RGS14: variants seen among roughly 807,000 people sequenced by gnomAD.
RGS14 encodes the protein regulator of G-protein signaling 14.
A neutral mutation model predicts 63.8 loss-of-function variants in RGS14; 33 were observed. The ratio of observed to expected loss-of-function variants is 0.52; its 90% confidence interval spans 0.39 to 0.69. RGS14 has a LOEUF of 0.69. Among genes scored for constraint, RGS14 ranks in the 30% least tolerant of loss-of-function variants. The pLI is 0.00. For missense variants in RGS14, 739 were observed against 742.9 expected (o/e 0.99, Z 0.06); for synonymous variants, 296 against 320.9 (o/e 0.92, Z 0.83).
In RGS14 at chr5:177,358,501, C is replaced by T. The variant is rs1754567269; in HGVS notation, c.45+432C>T. On this transcript the variant is annotated intron_variant, in intron 1 of 14. Transcript: ENST00000408923. This position sits in a 1 kb window ranked among gnomAD's most constrained non-coding sequence, Gnocchi z 4.8. Reference sequence around the variant, plus strand: ...AAGGTCATGTTAGTGGCAGCTCTTGCTGGGTCGGTGTCCTCCAGCCGGAGC... The same window carrying T: ...AAGGTCATGTTAGTGGCAGCTCTTGTTGGGTCGGTGTCCTCCAGCCGGAGC... Among the ~76,000 whole-genome samples, 1 of 152,204 alleles carries T rather than the reference C, an allele frequency of 6.6e-6. No individual in the cohort carries two copies. Among genetic ancestry groups the T allele is most frequent in the South Asian group, 2.1e-4 (1 of 4,836 alleles).
At chr5:177,365,144 C>A (rs1461577255) in intron 1 of RGS14, among the ~76,000 whole-genome samples, 1 of 152,170 alleles carries the variant, frequency 6.6e-6, no homozygotes. Flanking sequence ...GTTTATACAG[C>A]CCATATCACA....
rs749188803 is a variant in RGS14, at chr5:177,357,974, A to G, written c.-51A>G. On this transcript the variant is annotated 5_prime_UTR_variant, in exon 1 of 15. Transcript: ENST00000408923. ...GCAAGCTCTGGCCGGCGCTGCCCAC[A>G]GTCCCCATGGTGGGCAGCCCCCGCG... 7.6e-7 allele frequency: 1 copy of G among 1,318,558 alleles called. No individual in the cohort carries two copies. The highest frequency in any genetic ancestry group is 1.5e-5 in the African/African-American group (1 of 65,230). The allele number at this position is 1,318,558 out of a possible 1,614,324, so 81.7% of individuals were successfully genotyped here.
At chr5:177,365,411 C>A (rs1762065600) in intron 1 of RGS14, among the ~76,000 whole-genome samples, 1 of 151,896 alleles carries the variant, frequency 6.6e-6, no homozygotes, top group Admixed American at 6.6e-5. Flanking sequence ...CCATGTTGGC[C>A]AGGCTGGTCT....
intron 1 of RGS14, among the ~76,000 whole-genome samples, chr5:177,363,754 G>A (rs1363638751): frequency 2.0e-5 from 3 of 152,138 alleles, no homozygotes; most frequent in Non-Finnish European, 4.4e-5. Context: ...GGCACAGAGA[G>A]GTTAAGTACC....
rs1036322931 is a variant in RGS14, at chr5:177,358,107, G to T, written c.45+38G>T. 5.3e-6 allele frequency: 7 copies of T among 1,322,576 alleles called. No homozygotes were observed. Among genetic ancestry groups the T allele is most frequent in the African/African-American group, 1.5e-5 (1 of 65,622 alleles). The allele number at this position is 1,322,576 out of a possible 1,614,324, so 81.9% of individuals were successfully genotyped here. A position where few individuals can be genotyped will look rare whatever the true frequency, so the allele number is the denominator to read the frequency against. ...TCCGGGCCAGGGCCACGAGGAGGGG[G>T]TGGGCACACCCAGGGTGGAGCCCAG... On this transcript the variant is annotated intron_variant, in intron 1 of 14. Transcript: ENST00000408923. This position sits in a 1 kb window ranked among gnomAD's most constrained non-coding sequence, Gnocchi z 4.8.
chr5:177,363,222 C>G (rs1027934095), intron 1 of RGS14, among the ~76,000 whole-genome samples: 4 of 152,088 alleles, frequency 2.6e-5, no homozygotes, highest in Admixed American at 1.3e-4. Context: ...TGGGGACTTT[C>G]TCCTGTCGCC....
Position 177,371,052 on chromosome 5 carries a change from G to C in RGS14, c.1254+21G>C, listed in dbSNP as rs747744878. Reference sequence around the variant, plus strand: ...ACCGGGTGAGCTTCCGGGCCGCGGGGCGGGGCGGGGCGGGGCCGGGCCGGG... The same window carrying C: ...ACCGGGTGAGCTTCCGGGCCGCGGGCCGGGGCGGGGCGGGGCCGGGCCGGG... On this transcript the variant is annotated intron_variant, in intron 11 of 14. Transcript: ENST00000408923. This position sits in a 1 kb window ranked among gnomAD's most constrained non-coding sequence, Gnocchi z 6.1. 13 of 1,162,548 alleles carry C rather than the reference G, an allele frequency of 1.1e-5. No individual in the cohort carries two copies. The highest frequency in any genetic ancestry group is 1.4e-5 in the Non-Finnish European group (13 of 947,988). 72.0% of individuals were successfully genotyped at this position (1,162,548 alleles called of 1,614,324 possible).
In RGS14 at chr5:177,367,800, C is replaced by A. The variant is rs368630423; in HGVS notation, c.714C>A (p.Arg238=). ...CACCCGTTGAGGGTCCTGGGGGCCGCCCTCTCCGCAAGTCCTTCCGCCGGG... is the reference window on the plus strand; with the variant it reads ...CACCCGTTGAGGGTCCTGGGGGCCGACCTCTCCGCAAGTCCTTCCGCCGGG... ...QLPPVEGPGG[R]PLRKSFRREL... The change falls in exon 7 of 15, where the codon CGC becomes CGA. Residue 238 remains arginine (R), a synonymous_variant. Coordinates refer to ENST00000408923, the MANE Select transcript of RGS14 (RefSeq NM_006480.5). 6.2e-7 allele frequency: 1 copy of A among 1,605,312 alleles called. No individual in the cohort carries two copies. The highest frequency in any genetic ancestry group is 1.3e-5 in the African/African-American group (1 of 74,742).
intron 8 of RGS14, 30 bp downstream of exon 8, chr5:177,368,296 C>A: frequency 3.1e-6 from 5 of 1,592,114 alleles, no homozygotes; most frequent in Non-Finnish European, 4.3e-6. Flanking sequence ...AGACAAGATG[C>A]TCTATGGGCT....
rs1306139646 is a variant in RGS14 at position 177,370,968 on chromosome 5, G to A, written c.1191G>A (p.Gln397=). The stretch of plus-strand genomic sequence containing the variant: ...CAGCCAAGCCCACCAAGCGGCTGCA[G>A]GAGGCGCTGCAGCCCATTCTGGAGA... The part of the protein sequence containing the change: ...RISAKPTKRL[Q]EALQPILEKH... Residue 397 remains glutamine (Q), a synonymous_variant, in exon 11 of 15, where the codon CAG becomes CAA. Transcript: ENST00000408923. 1 of 1,607,960 alleles carries A rather than the reference G, an allele frequency of 6.2e-7. No homozygotes were observed. The highest frequency in any genetic ancestry group is 8.5e-7 in the Non-Finnish European group (1 of 1,179,638).
In RGS14 at chr5:177,370,489, C is replaced by A. The variant is rs187910706; in HGVS notation, c.1054-102C>A. 2.2e-5 allele frequency: 22 copies of A among 1,005,636 alleles called. No homozygotes were observed. The African/African-American group carries it at 3.5e-4, about 16-fold the overall frequency. 62.3% of individuals were successfully genotyped at this position (1,005,636 alleles called of 1,614,324 possible). On this transcript the variant is annotated intron_variant, in intron 9 of 14. Coordinates refer to ENST00000408923, the MANE Select transcript of RGS14 (RefSeq NM_006480.5). The stretch of plus-strand genomic sequence containing the variant: ...ACCCTCCATCCCTTCCTCTAGGAAG[C>A]CCAGTGGTGGCCATGGGAGGGCGTG...
At position 177,367,520 on chromosome 5, in the gene RGS14, G is replaced by T; in HGVS notation, c.590G>T (p.Gly197Val). Residue 197 changes from glycine to valine, a missense_variant, in exon 6 of 15, where the codon GGC (glycine) becomes GTC (valine). Transcript: ENST00000408923. ...EAEGRPLREP[G>V]SSRLGSPDAT... ...GAGGGACGCCCTCTGCGGGAACCTG[G>T]CTCCTCGCGCCTCGGCAGCCCTGAC... The T allele has an allele frequency of 6.2e-7, 1 of 1,611,944 alleles. No homozygotes were observed. Among genetic ancestry groups the T allele is most frequent in the Non-Finnish European group, 8.5e-7 (1 of 1,179,172 alleles).
At chr5:177,367,064 A>G (rs1265861673) in intron 5 of RGS14, 30 bp downstream of exon 5, 8 of 1,583,944 alleles carry the variant, frequency 5.1e-6, no homozygotes, top group Non-Finnish European at 6.0e-6. Context: ...TTGGCCTTGA[A>G]AGGGAGACAA....
At chr5:177,368,621 A>T (rs1220098867) in intron 8 of RGS14, 96 bp from the exon 9 acceptor site, 1 of 1,271,008 alleles carries the variant, frequency 7.9e-7, no homozygotes, top group African/African-American at 1.5e-5. Context: ...GTGCGTGTGC[A>T]TGCTTGAGCC....
intron 3 of RGS14, 31 bp downstream of exon 3, chr5:177,366,386 G>A: frequency 2.0e-6 from 3 of 1,514,190 alleles, no homozygotes; most frequent in Non-Finnish European, 2.7e-6. Context: ...GGGAAGGGGG[G>A]ACACGGGAGA....
rs762720072 is a variant in RGS14, at chr5:177,368,915, G to A, written c.1048G>A (p.Glu350Lys). ...CATCAAGGTCTACCTGGTGGGCAAT[G>A]AACAGGTGGGAACGTGACCTGGCTC... is the stretch of plus-strand genomic sequence containing the variant. ...PDIKVYLVGN[E>K]QALVLDQDCT... The change falls in exon 9 of 15, where the codon GAA becomes AAA. Residue 350 changes from glutamate (E) to lysine (K), a missense_variant. Physicochemically the swap from Glu to Lys is moderately conservative, Grantham distance 56 (BLOSUM62 1). Coordinates refer to ENST00000408923, the MANE Select transcript of RGS14 (RefSeq NM_006480.5). 6.8e-6 allele frequency: 11 copies of A among 1,613,972 alleles called. No homozygotes were observed. In the East Asian group the frequency reaches 2.5e-4, roughly 36 times the overall value.
Position 177,359,668 on chromosome 5 carries a change from CT to C in RGS14, c.45+1601del, listed in dbSNP as rs1285117060. ...TGTCACACACAGGTTTATCTTTGCC[CT>C]TCCTGGGCCTGTTCCAAACTCTCTG... On this transcript the variant is annotated intron_variant, in intron 1 of 14. Transcript: ENST00000408923. This position sits in a 1 kb window ranked among gnomAD's most constrained non-coding sequence, Gnocchi z 4.4. 6.6e-6 allele frequency among the ~76,000 whole-genome samples: 1 copy of C among 152,266 alleles called. No homozygotes were observed. Among genetic ancestry groups the C allele is most frequent in the South Asian group, 2.1e-4 (1 of 4,834 alleles).
rs1458880183 is a variant in RGS14 at position 177,367,563 on chromosome 5, T to C, written c.627+6T>C. ...GCCCTGACGCCACGAGGAAGGTGCG[T>C]GGGACTGGGCGAGGGACTGGGCGAG... On this transcript the variant is annotated splice_donor_region_variant and intron_variant, in intron 6 of 14. Transcript: ENST00000408923. The C allele has an allele frequency of 3.7e-6, 6 of 1,605,426 alleles. No homozygotes were observed. The highest frequency in any genetic ancestry group is 5.1e-6 in the Non-Finnish European group (6 of 1,175,924).
chr5:177,367,596 G>A (rs761007836), intron 6 of RGS14, 39 bp downstream of exon 6: 8 of 1,587,302 alleles, frequency 5.0e-6, no homozygotes, highest in Non-Finnish European at 5.1e-6. Context: ...GAGGCAGGGG[G>A]TCCTGCGGAC....
Sources: gnomAD v4.1 joint callset for allele counts (sites outside exome capture counted in the v4.1 genomes callset) on GRCh38, gnomAD v4.1.1 for gene constraint, Gnocchi (gnomAD v3.1) non-coding constraint, MANE v1.5 for transcripts, NCBI Gene and HGNC (gene_info 2026-07-23, HGNC 2026-07-21) for gene names.